GRID2: variants seen among roughly 807,000 people sequenced by gnomAD.
The protein encoded by GRID2 is glutamate receptor ionotropic, delta-2.
In GRID2, 33 loss-of-function variants were observed where a neutral mutation model predicts 114.8. The observed-to-expected ratio is 0.29, with a 90% CI of 0.22 to 0.38. The LOEUF is 0.38. Among genes scored for constraint, GRID2 ranks in the 10% least tolerant of loss-of-function variants. GRID2 has a pLI of 1.00. For synonymous variants in GRID2, 505 were observed against 449.9 expected, an observed-to-expected ratio of 1.12 and a Z score of -1.55; for missense variants, 1,184 against 1,257.7, an observed-to-expected ratio of 0.94 and a Z score of 0.89.
At chr4:93,175,556 T>C (rs1739276558) in intron 4 of GRID2, among the ~76,000 whole-genome samples, 2 of 152,142 alleles carry the variant, frequency 1.3e-5, no homozygotes, top group Non-Finnish European at 1.5e-5. Flanking sequence ...AAAAGCCCTG[T>C]GGATTTTCTT....
At chr4:93,599,188 C>T (rs578046296) in intron 13 of GRID2, among the ~76,000 whole-genome samples, 1 of 152,272 alleles carries the variant, frequency 6.6e-6, no homozygotes, top group South Asian at 2.1e-4. Flanking sequence ...GTTGGATGGA[C>T]TTGAATGTGA....
intron 2 of GRID2, among the ~76,000 whole-genome samples, chr4:92,756,112 C>G (rs2149342143): frequency 6.6e-6 from 1 of 152,248 alleles, no homozygotes; most frequent in East Asian, 1.9e-4. Flanking sequence ...GCATCCTTCC[C>G]AGGCTCTGGT....
chr4:93,791,762 C>T (rs544695148), intron 1 of GRID2, among the ~76,000 whole-genome samples: 1 of 152,262 alleles, frequency 6.6e-6, no homozygotes, highest in Non-Finnish European at 1.5e-5. Flanking sequence ...GACTGACTCC[C>T]TGCTGTCTTT....
At chr4:93,658,765 T>C (rs1723233407) in intron 14 of GRID2, among the ~76,000 whole-genome samples, 1 of 152,154 alleles carries the variant, frequency 6.6e-6, no homozygotes, top group Non-Finnish European at 1.5e-5. Context: ...GCCCCCATTA[T>C]TAGAGGGTAA....
intron 9 of GRID2, among the ~76,000 whole-genome samples, chr4:93,413,718 A>G (rs1446503116): frequency 1.3e-5 from 2 of 152,186 alleles, no homozygotes; most frequent in African/African-American, 4.8e-5. Flanking sequence ...TTTAAGCTTT[A>G]AAGATTATGA....
intron 1 of GRID2, among the ~76,000 whole-genome samples, chr4:92,445,161 A>G (rs1733384969): frequency 6.6e-6 from 1 of 152,230 alleles, no homozygotes; most frequent in South Asian, 2.1e-4. Flanking sequence ...TCTTGTTAAC[A>G]GTGCTACAAA....
At chr4:92,566,722 G>A (rs1175565192) in intron 1 of GRID2, among the ~76,000 whole-genome samples, 1 of 151,992 alleles carries the variant, frequency 6.6e-6, no homozygotes, top group Non-Finnish European at 1.5e-5. Context: ...ATAATTGGAA[G>A]AATTTCTATG....
intron 2 of GRID2, among the ~76,000 whole-genome samples, chr4:92,631,555 ATTAT>A (rs1262052870): frequency 2.0e-5 from 3 of 152,080 alleles, no homozygotes; most frequent in African/African-American, 7.2e-5. Flanking sequence ...CATTTTTTAA[ATTAT>A]TTTTTTAAAT....
chr4:93,594,507 G>A (rs1301122536), intron 13 of GRID2, among the ~76,000 whole-genome samples: 1 of 152,048 alleles, frequency 6.6e-6, no homozygotes, highest in Non-Finnish European at 1.5e-5. Context: ...CTGTCTTTTT[G>A]TTTGTCTGTG....
At chr4:92,634,859 CAGAGAG>C (rs71682478) in intron 2 of GRID2, among the ~76,000 whole-genome samples, 5 of 143,102 alleles carry the variant, frequency 3.5e-5, no homozygotes, top group Admixed American at 7.1e-5. Flanking sequence ...TGCAGAGAGA[CAGAGAG>C]AGAGAGAGAG....
chr4:92,760,234 T>C (rs961624012), intron 2 of GRID2, among the ~76,000 whole-genome samples: 4 of 106,420 alleles, frequency 3.8e-5, no homozygotes, highest in African/African-American at 1.2e-4. Flanking sequence ...CGAGACTCTG[T>C]CTCAAAAAAA....
At chr4:93,381,770 G>T (rs1219321719) in intron 8 of GRID2, among the ~76,000 whole-genome samples, 1 of 151,988 alleles carries the variant, frequency 6.6e-6, no homozygotes, top group African/African-American at 2.4e-5. Flanking sequence ...AAATATATCA[G>T]TTTCTTGAAT....
chr4:93,781,834 T>C (rs938260950), intron 1 of GRID2, among the ~76,000 whole-genome samples: 3 of 152,146 alleles, frequency 2.0e-5, no homozygotes, highest in Non-Finnish European at 2.9e-5. Flanking sequence ...GTTGAATCCA[T>C]AGATGTGAAA....
chr4:92,704,256 C>T (rs183031466), intron 2 of GRID2, among the ~76,000 whole-genome samples: 4 of 151,940 alleles, frequency 2.6e-5, no homozygotes, highest in Non-Finnish European at 4.4e-5. Context: ...CCAGCCTGGG[C>T]GACAGAGCAA....
chr4:92,538,153 G>C (rs980599835), intron 1 of GRID2, among the ~76,000 whole-genome samples: 1 of 151,678 alleles, frequency 6.6e-6, no homozygotes, highest in African/African-American at 2.4e-5. Context: ...TAATTTTAAG[G>C]GCTAACATTT....
intron 2 of GRID2, among the ~76,000 whole-genome samples, chr4:92,939,897 A>T (rs1750970709): frequency 6.8e-6 from 1 of 146,876 alleles, no homozygotes; most frequent in Non-Finnish European, 1.5e-5. Flanking sequence ...ATTATTTCTG[A>T]GGGCTCTCTT....
At chr4:92,836,625 G>A (rs1451073575) in intron 2 of GRID2, among the ~76,000 whole-genome samples, 3 of 152,058 alleles carry the variant, frequency 2.0e-5, no homozygotes, top group Non-Finnish European at 2.9e-5. Context: ...GAAAATGTAA[G>A]GAGGCAGAAA....
At chr4:92,588,678 C>CAAAAAAAAAAA in intron 1 of GRID2, among the ~76,000 whole-genome samples, 1 of 70,308 alleles carries the variant, frequency 1.4e-5, no homozygotes, top group Non-Finnish European at 2.7e-5. Flanking sequence ...GACTCCGTCT[C>CAAAAAAAAAAA]AAAAAAAAAA....
chr4:93,459,270 A>G (rs985342707), intron 11 of GRID2, among the ~76,000 whole-genome samples: 3 of 151,922 alleles, frequency 2.0e-5, no homozygotes, highest in Admixed American at 2.0e-4. Context: ...GAGTGAAAAC[A>G]TAATTATAAA....
Sources: allele counts gnomAD v4.1 joint callset (sites outside exome capture counted in the v4.1 genomes callset), GRCh38; gene constraint gnomAD v4.1.1; transcripts MANE v1.5; gene names NCBI Gene and HGNC (gene_info 2026-07-23, HGNC 2026-07-21).